Variants in ATRNL1 observed in about 807,000 individuals in gnomAD.
ATRNL1 encodes the protein attractin like 1.
In ATRNL1, 95 loss-of-function variants were observed where a neutral mutation model predicts 182.7. The ratio of observed to expected loss-of-function variants is 0.52; its 90% CI spans 0.44 to 0.62. The LOEUF (loss-of-function observed/expected upper bound fraction) is 0.62. Ranked by LOEUF, ATRNL1 falls within the 20% of genes least tolerant of loss-of-function variation. The pLI is 0.00. For synonymous variants in ATRNL1, 576 were observed against 568.3 expected, an observed-to-expected ratio of 1.01 and a Z score of -0.19; for missense variants, 1,471 against 1,679.5, an observed-to-expected ratio of 0.88 and a Z score of 2.17.
At chr10:115,591,578 C>T (rs564767435) in intron 26 of ATRNL1, among the ~76,000 whole-genome samples, 30 of 152,280 alleles carry the variant, frequency 2.0e-4, no homozygotes, top group African/African-American at 7.0e-4. Context: ...ACCCATGTTA[C>T]TTGGAATTTT....
chr10:115,825,523 C>T (rs1950410556), intron 27 of ATRNL1, among the ~76,000 whole-genome samples: 1 of 152,014 alleles, frequency 6.6e-6, no homozygotes, highest in Admixed American at 6.6e-5. Flanking sequence ...ATCTGCCACC[C>T]CCACCCCCAA....
In ATRNL1 at chr10:115,389,552, A is replaced by ATATG. The variant is rs1554953831; in HGVS notation, c.3176-5104_3176-5103insGTAT. 4.0e-4 allele frequency among the ~76,000 whole-genome samples: 27 copies of ATATG among 66,724 alleles called. 1 individual carries two copies. Among genetic ancestry groups the ATATG allele is most frequent in the African/African-American group, 1.1e-3 (22 of 19,512 alleles). 43.8% of individuals were successfully genotyped at this position (66,724 alleles called of 152,430 possible). A position where few individuals can be genotyped will look rare whatever the true frequency, so the allele number is the denominator to read the frequency against. ...CAAATGTGTATGTGTATATATATAT[A>ATATG]TATATATATATATATATATATATAT... On this transcript the variant is annotated intron_variant, in intron 19 of 28. Transcript: ENST00000355044.
chr10:115,136,370 C>T (rs1554876695), intron 5 of ATRNL1, among the ~76,000 whole-genome samples: 2 of 152,166 alleles, frequency 1.3e-5, no homozygotes, highest in Non-Finnish European at 2.9e-5. Flanking sequence ...CCAATGCATA[C>T]ACAGCTTCTC....
intron 28 of ATRNL1, among the ~76,000 whole-genome samples, chr10:115,871,338 T>C (rs1230541166): frequency 6.6e-6 from 1 of 151,312 alleles, no homozygotes; most frequent in East Asian, 1.9e-4. Flanking sequence ...ATATTTCCTT[T>C]TAGGACTTTT....
At chr10:115,243,762 A>G (rs1455099640) in intron 10 of ATRNL1, among the ~76,000 whole-genome samples, 1 of 152,110 alleles carries the variant, frequency 6.6e-6, no homozygotes, top group African/African-American at 2.4e-5. Flanking sequence ...GGAATAGCAT[A>G]TTTTAAACAG....
At chr10:115,217,347 C>A (rs1849274701) in intron 9 of ATRNL1, among the ~76,000 whole-genome samples, 1 of 152,156 alleles carries the variant, frequency 6.6e-6, no homozygotes, top group African/African-American at 2.4e-5. Context: ...CTTGACCTCC[C>A]AAAGTGCTGG....
At chr10:115,574,407 T>A (rs782497286) in intron 26 of ATRNL1, among the ~76,000 whole-genome samples, 1 of 151,896 alleles carries the variant, frequency 6.6e-6, no homozygotes, top group Non-Finnish European at 1.5e-5. Flanking sequence ...GAAAAAAGCC[T>A]ATAGTTGCCA....
chr10:115,396,725 A>C (rs566982796), intron 20 of ATRNL1, among the ~76,000 whole-genome samples: 1 of 152,074 alleles, frequency 6.6e-6, no homozygotes, highest in South Asian at 2.1e-4. Flanking sequence ...TTTTACTTAA[A>C]TAGTATAGCC....
intron 21 of ATRNL1, among the ~76,000 whole-genome samples, chr10:115,440,670 C>T (rs1554965540): frequency 6.6e-6 from 1 of 151,844 alleles, no homozygotes; most frequent in African/African-American, 2.4e-5. Context: ...ATATTTTCTT[C>T]CCACTCCTGT....
At chr10:115,102,565 T>C (rs1284816269) in intron 1 of ATRNL1, among the ~76,000 whole-genome samples, 1 of 152,156 alleles carries the variant, frequency 6.6e-6, no homozygotes, top group African/African-American at 2.4e-5. Context: ...TGCCTCAGCC[T>C]CTTGAGCAGC....
intron 20 of ATRNL1, among the ~76,000 whole-genome samples, chr10:115,397,867 T>A (rs1355667093): frequency 6.6e-6 from 1 of 151,864 alleles, no homozygotes; most frequent in Non-Finnish European, 1.5e-5. Context: ...TTGAAACCAT[T>A]GGAGAACTGA....
intron 19 of ATRNL1, among the ~76,000 whole-genome samples, chr10:115,377,385 G>A (rs977398359): frequency 3.2e-4 from 49 of 152,094 alleles, no homozygotes; most frequent in African/African-American, 9.9e-4. Context: ...GGCCTCCCCC[G>A]CCATGTGGAA....
intron 26 of ATRNL1, among the ~76,000 whole-genome samples, chr10:115,652,393 TA>T (rs1303230030): frequency 6.6e-6 from 1 of 152,072 alleles, no homozygotes; most frequent in Non-Finnish European, 1.5e-5. Context: ...CAGATACCTA[TA>T]AAATTCTTGC....
intron 18 of ATRNL1, among the ~76,000 whole-genome samples, chr10:115,317,200 A>C (rs984775674): frequency 5.3e-5 from 8 of 151,988 alleles, no homozygotes; most frequent in Non-Finnish European, 8.8e-5. Flanking sequence ...TGCTTTTGTC[A>C]GGTTTGTTGA....
rs149783599 is a variant in ATRNL1 at position 115,484,394 on chromosome 10, A to G, written c.3654+15065A>G. Among the ~76,000 whole-genome samples, 63 of 151,794 alleles carry G rather than the reference A, an allele frequency of 4.2e-4. No individual in the cohort carries two copies. The East Asian group carries it at 0.011, about 27-fold the overall frequency. ...TTTACAGTTAAAAAAACCAAGAATC[A>G]GTGTATTAATATATATCAAATGCAG... On this transcript the variant is annotated intron_variant, in intron 24 of 28. Coordinates refer to ENST00000355044, the MANE Select transcript of ATRNL1 (RefSeq NM_207303.4).
chr10:115,386,163 A>G (rs1158249949), intron 19 of ATRNL1, among the ~76,000 whole-genome samples: 1 of 152,184 alleles, frequency 6.6e-6, no homozygotes, highest in Non-Finnish European at 1.5e-5. Flanking sequence ...TACTTTACCA[A>G]TACGTAATTT....
intron 25 of ATRNL1, among the ~76,000 whole-genome samples, chr10:115,535,157 C>CT (rs1464932286): frequency 6.6e-6 from 1 of 151,766 alleles, no homozygotes; most frequent in African/African-American, 2.4e-5. Context: ...GTTGGCCTGC[C>CT]TTGCTAGATT....
intron 10 of ATRNL1, among the ~76,000 whole-genome samples, chr10:115,247,544 A>T (rs1243112083): frequency 6.6e-6 from 1 of 152,182 alleles, no homozygotes; most frequent in East Asian, 1.9e-4. Context: ...GCTGGTGAGG[A>T]TGTGGAACAA....
chr10:115,398,480 A>G (rs1202630232), intron 20 of ATRNL1, among the ~76,000 whole-genome samples: 1 of 151,946 alleles, frequency 6.6e-6, no homozygotes, highest in Non-Finnish European at 1.5e-5. Context: ...GCAGTTATGA[A>G]TGGAAGTTCT....
Sources: allele counts gnomAD v4.1 joint callset (sites outside exome capture counted in the v4.1 genomes callset), GRCh38; gene constraint gnomAD v4.1.1; transcripts MANE v1.5; gene names NCBI Gene and HGNC (gene_info 2026-07-23, HGNC 2026-07-21).